FRMD5: variants seen among roughly 807,000 people sequenced by gnomAD.
The protein encoded by FRMD5 is FERM domain-containing protein 5.
FRMD5 carries 20 observed loss-of-function variants against 69.0 expected under a neutral mutation model. That is an observed-to-expected ratio of 0.29 (90% CI 0.20 to 0.42). The LOEUF (loss-of-function observed/expected upper bound fraction) is 0.42, where lower values mean the gene tolerates loss of function less well. FRMD5 is among the 10% of genes least tolerant of loss of function. The pLI is 1.00. For missense variants in FRMD5, 595 were observed against 708.6 expected (o/e 0.84, Z 1.82); for synonymous variants, 271 against 260.1 (o/e 1.04, Z -0.40).
intron 2 of FRMD5, 70 bp from the exon 3 acceptor site, chr15:43,919,879 A>T (rs890453945): frequency 2.2e-6 from 3 of 1,373,408 alleles, no homozygotes; most frequent in Non-Finnish European, 3.1e-6. Flanking sequence ...GTTTTCTCCA[A>T]CTTAAAAAAC....
intron 1 of FRMD5, among the ~76,000 whole-genome samples, chr15:44,008,259 A>G (rs1890552270): frequency 6.7e-6 from 1 of 149,410 alleles, no homozygotes; most frequent in Non-Finnish European, 1.5e-5. Flanking sequence ...TTCATGTAGA[A>G]GGCTTTATTT....
chr15:44,131,013 C>A (rs1304563323), intron 1 of FRMD5, among the ~76,000 whole-genome samples: 1 of 152,182 alleles, frequency 6.6e-6, no homozygotes, highest in Non-Finnish European at 1.5e-5. Context: ...GTTATCCAAA[C>A]TTTATCTCAA....
chr15:43,888,946 G>A (rs1595484811), intron 8 of FRMD5, 74 bp from the exon 9 acceptor site: 2 of 1,313,122 alleles, frequency 1.5e-6, no homozygotes, highest in African/African-American at 1.4e-5. Context: ...TAGATGCACA[G>A]CCCACCCCAA....
intron 1 of FRMD5, among the ~76,000 whole-genome samples, chr15:44,037,068 C>T (rs532740475): frequency 1.3e-5 from 2 of 152,082 alleles, no homozygotes; most frequent in South Asian, 2.1e-4. Flanking sequence ...GCATGTGCCA[C>T]GGTGGTTTGC....
chr15:44,145,472 A>G (rs1266716218), intron 1 of FRMD5, among the ~76,000 whole-genome samples: 1 of 152,214 alleles, frequency 6.6e-6, no homozygotes, highest in African/African-American at 2.4e-5. Flanking sequence ...TATCACTAAG[A>G]AAGTTTAGAG....
chr15:44,070,527 C>G (rs1285187101), intron 1 of FRMD5, among the ~76,000 whole-genome samples: 1 of 152,294 alleles, frequency 6.6e-6, no homozygotes, highest in East Asian at 1.9e-4. Flanking sequence ...AGATTTGAAT[C>G]TCACCTCACC....
intron 1 of FRMD5, among the ~76,000 whole-genome samples, chr15:43,928,109 C>T (rs1427695810): frequency 1.3e-5 from 2 of 152,156 alleles, no homozygotes; most frequent in Non-Finnish European, 2.9e-5. Flanking sequence ...CCTACAGCTA[C>T]ATAAAAAAGA....
intron 1 of FRMD5, among the ~76,000 whole-genome samples, chr15:43,986,869 C>T (rs1889420830): frequency 6.6e-6 from 1 of 151,872 alleles, no homozygotes. Context: ...CACCATTTTT[C>T]CAACAGCATG....
At chr15:44,117,991 C>CTTTTTTTTTTT (rs747747488) in intron 1 of FRMD5, among the ~76,000 whole-genome samples, 8 of 92,650 alleles carry the variant, frequency 8.6e-5, no homozygotes, top group East Asian at 3.1e-4. Context: ...TTCTTTTTTA[C>CTTTTTTTTTTT]TTTTTTTTTT....
At chr15:43,963,595 G>T (rs1032340642) in intron 1 of FRMD5, among the ~76,000 whole-genome samples, 9 of 152,270 alleles carry the variant, frequency 5.9e-5, no homozygotes, top group Admixed American at 5.9e-4. Context: ...CTGCTATAAA[G>T]ACACATGCAC....
chr15:44,143,618 C>G, intron 1 of FRMD5, among the ~76,000 whole-genome samples: 1 of 150,774 alleles, frequency 6.6e-6, no homozygotes, highest in African/African-American at 2.4e-5. Flanking sequence ...GAACGCATTA[C>G]TAGATGGTAG....
intron 1 of FRMD5, among the ~76,000 whole-genome samples, chr15:44,120,729 C>T (rs994635106): frequency 4.6e-5 from 7 of 151,520 alleles, no homozygotes; most frequent in African/African-American, 1.2e-4. Context: ...GGGGTTTCAC[C>T]GTGTCAGCCA....
intron 1 of FRMD5, among the ~76,000 whole-genome samples, chr15:43,952,746 G>C (rs573157589): frequency 1.3e-5 from 2 of 152,354 alleles, no homozygotes; most frequent in East Asian, 1.9e-4. Flanking sequence ...CGGTCAGCAC[G>C]CAGCTTTTGT....
chr15:44,102,825 C>T lies in FRMD5; in HGVS notation c.102+92128G>A, dbSNP rs2140534536. 2.6e-5 allele frequency among the ~76,000 whole-genome samples: 4 copies of T among 152,336 alleles called. 1 individual carries two copies. ...CAACAGTATAACAAAACTGGCTGGA[C>T]TCCCAGCTGTTCACTGTGTGTGCCT... On this transcript the variant is annotated intron_variant, in intron 1 of 13. Transcript: ENST00000417257.
At chr15:43,972,754 T>G (rs1047421247) in intron 1 of FRMD5, among the ~76,000 whole-genome samples, 6 of 152,322 alleles carry the variant, frequency 3.9e-5, no homozygotes, top group African/African-American at 1.4e-4. Flanking sequence ...CCATTCACCT[T>G]TGAAGAGTTT....
At chr15:43,974,500 T>C (rs528177821) in intron 1 of FRMD5, among the ~76,000 whole-genome samples, 1 of 152,352 alleles carries the variant, frequency 6.6e-6, no homozygotes, top group East Asian at 1.9e-4. Flanking sequence ...TTCCCGCATC[T>C]ACCTTCCCTT....
At chr15:44,165,008 G>GCT (rs2077685163) in intron 1 of FRMD5, among the ~76,000 whole-genome samples, 1 of 152,080 alleles carries the variant, frequency 6.6e-6, no homozygotes, top group Non-Finnish European at 1.5e-5. Flanking sequence ...TGGGTCCTGG[G>GCT]TGCTCCCTAG....
chr15:43,915,453 G>A (rs887439677), intron 4 of FRMD5, among the ~76,000 whole-genome samples: 1 of 152,312 alleles, frequency 6.6e-6, no homozygotes. Flanking sequence ...GATTCATCCT[G>A]TTAACGTTTT....
At chr15:44,097,036 C>T (rs112043003) in intron 1 of FRMD5, among the ~76,000 whole-genome samples, 4 of 152,034 alleles carry the variant, frequency 2.6e-5, no homozygotes, top group African/African-American at 4.8e-5. Context: ...ATGGATGTCT[C>T]GAAGAGTTTA....
Sources: gnomAD v4.1 joint callset for allele counts (sites outside exome capture counted in the v4.1 genomes callset) on GRCh38, gnomAD v4.1.1 for gene constraint, MANE v1.5 for transcripts, NCBI Gene and HGNC (gene_info 2026-07-23, HGNC 2026-07-21) for gene names.